Variants in PLCE1 observed in about 807,000 individuals in gnomAD.
The protein encoded by PLCE1 is phospholipase C epsilon 1.
Under a neutral mutation model 242.8 loss-of-function variants are expected in PLCE1, and 119 were observed. The observed-to-expected ratio is 0.49, with a 90% CI of 0.42 to 0.57. The LOEUF is 0.57. Ranked by LOEUF, PLCE1 falls within the 20% of genes least tolerant of loss-of-function variation. PLCE1 has a pLI of 0.00. For missense variants in PLCE1, 2,441 were observed against 2,788.8 expected (o/e 0.88, Z 2.81); for synonymous variants, 945 against 1,017.4 (o/e 0.93, Z 1.35).
chr10:94,309,970 G>T (rs2053335251), intron 27 of PLCE1, among the ~76,000 whole-genome samples: 1 of 152,170 alleles, frequency 6.6e-6, no homozygotes, highest in Non-Finnish European at 1.5e-5. Flanking sequence ...AGGCTACAGT[G>T]AGCTATGATC....
At chr10:94,206,081 C>G (rs1278070109) in intron 4 of PLCE1, among the ~76,000 whole-genome samples, 1 of 152,076 alleles carries the variant, frequency 6.6e-6, no homozygotes, top group Non-Finnish European at 1.5e-5. Context: ...AAAAATAAAG[C>G]AAGGCAGAGG....
At chr10:93,995,632 A>G (rs753051712) in intron 1 of PLCE1, among the ~76,000 whole-genome samples, 5 of 152,390 alleles carry the variant, frequency 3.3e-5, no homozygotes, top group Non-Finnish European at 7.3e-5. Context: ...AGGAGATAAT[A>G]TAATTGAAAG....
At chr10:94,053,396 G>A (rs1417602993) in intron 2 of PLCE1, among the ~76,000 whole-genome samples, 5 of 152,216 alleles carry the variant, frequency 3.3e-5, no homozygotes, top group Non-Finnish European at 7.3e-5. Flanking sequence ...CTTTAGTACA[G>A]GAATGTGCTC....
chr10:94,233,713 C>T (rs749192384), intron 5 of PLCE1, among the ~76,000 whole-genome samples: 4 of 151,996 alleles, frequency 2.6e-5, no homozygotes, highest in African/African-American at 4.8e-5. Context: ...TTTGAGAGGC[C>T]GAGGCAGGTG....
Position 94,270,479 on chromosome 10 carries a change from C to T in PLCE1, c.4390-7C>T. 6.3e-7 allele frequency: 1 copy of T among 1,593,338 alleles called. No individual in the cohort carries two copies. Among genetic ancestry groups the T allele is most frequent in the Non-Finnish European group, 8.6e-7 (1 of 1,161,334 alleles). On this transcript the variant is annotated splice_polypyrimidine_tract_variant and splice_region_variant and intron_variant, in intron 17 of 32. Transcript: ENST00000371380. ...TGGACTCTAATGAGCTGTTTTGGCTCTCATAGGAAGTGGTTGAAGCCATTG... is the reference window on the plus strand; with the variant it reads ...TGGACTCTAATGAGCTGTTTTGGCTTTCATAGGAAGTGGTTGAAGCCATTG...
intron 5 of PLCE1, among the ~76,000 whole-genome samples, chr10:94,228,393 T>C (rs758100902): frequency 1.3e-4 from 20 of 152,232 alleles, no homozygotes; most frequent in African/African-American, 1.9e-4. Flanking sequence ...CTTGACTTCA[T>C]TGAGCCTCAG....
At chr10:94,219,744 T>C (rs960438543) in intron 4 of PLCE1, among the ~76,000 whole-genome samples, 4 of 152,176 alleles carry the variant, frequency 2.6e-5, no homozygotes, top group Admixed American at 6.5e-5. Context: ...CATAGTACAA[T>C]TGGATTGTTA....
intron 2 of PLCE1, chr10:94,106,924 C>CTCTCTCTCTCTCTCTCTCTCTT (rs2045760680): frequency 8.2e-6 from 1 of 122,596 alleles, no homozygotes; most frequent in African/African-American, 3.0e-5. Context: ...CTCTCTCTCT[C>CTCTCTCTCTCTCTCTCTCTCTT]TCTCTCTCTC....
intron 5 of PLCE1, among the ~76,000 whole-genome samples, chr10:94,228,392 A>T (rs1369236522): frequency 6.6e-6 from 1 of 152,226 alleles, no homozygotes; most frequent in Non-Finnish European, 1.5e-5. Flanking sequence ...ACTTGACTTC[A>T]TTGAGCCTCA....
At chr10:94,141,212 T>C (rs1196583964) in intron 3 of PLCE1, among the ~76,000 whole-genome samples, 1 of 152,212 alleles carries the variant, frequency 6.6e-6, no homozygotes, top group African/African-American at 2.4e-5. Flanking sequence ...AGTGTGACAC[T>C]ACACCTGGGT....
chr10:94,003,195 CTG>C (rs2060965125), intron 1 of PLCE1, among the ~76,000 whole-genome samples: 1 of 152,112 alleles, frequency 6.6e-6, no homozygotes, highest in African/African-American at 2.4e-5. Context: ...AGATAATAGA[CTG>C]TTTTATTTTA....
At chr10:94,228,352 CA>C (rs1209249713) in intron 5 of PLCE1, among the ~76,000 whole-genome samples, 1 of 152,162 alleles carries the variant, frequency 6.6e-6, no homozygotes, top group African/African-American at 2.4e-5. Flanking sequence ...CTGATTCCCC[CA>C]AGGAATACCT....
intron 13 of PLCE1, 89 bp downstream of exon 13, chr10:94,259,239 C>G (rs2051209119): frequency 7.6e-7 from 1 of 1,317,448 alleles, no homozygotes; most frequent in East Asian, 2.3e-5. Flanking sequence ...CTGAGCCTGT[C>G]CCACATAGTG....
chr10:94,127,189 G>T (rs1477670339), intron 2 of PLCE1, among the ~76,000 whole-genome samples: 5 of 152,140 alleles, frequency 3.3e-5, no homozygotes, highest in African/African-American at 1.2e-4. Context: ...TGTAGCAAAG[G>T]ACTCCCAAAA....
chr10:94,116,907 C>G (rs578153996), intron 2 of PLCE1, among the ~76,000 whole-genome samples: 2 of 152,110 alleles, frequency 1.3e-5, no homozygotes, highest in African/African-American at 4.8e-5. Flanking sequence ...AAAGAAAAGA[C>G]AAAGAGTTTC....
chr10:94,282,833 G>T (rs2052290958), intron 20 of PLCE1, among the ~76,000 whole-genome samples: 1 of 152,114 alleles, frequency 6.6e-6, no homozygotes, highest in Non-Finnish European at 1.5e-5. Context: ...GGTCAGGAAG[G>T]TAAATGCCAT....
At position 94,322,031 on chromosome 10, in the gene PLCE1, T is replaced by A. The variant is rs1330358397; in HGVS notation, c.6473T>A (p.Val2158Asp). 6.2e-7 allele frequency: 1 copy of A among 1,614,198 alleles called. No homozygotes were observed. The highest frequency in any genetic ancestry group is 2.2e-5 in the East Asian group (1 of 44,880). ...QPRTVIKAPR[V>D]STAQDVIQQT... Reference sequence around the variant, plus strand: ...CGAACAGTCATCAAAGCACCCCGCGTCAGCACTGCACAGGATGTCATTCAG... The same window carrying A: ...CGAACAGTCATCAAAGCACCCCGCGACAGCACTGCACAGGATGTCATTCAG... Residue 2158 changes from valine to aspartate, a missense_variant, in exon 30 of 33, where the codon GTC becomes GAC. By Grantham distance (152) the Val-to-Asp change is radical. This residue lies in a region of PLCE1 where 310 missense variants were observed against 317.2 expected (regional missense o/e 0.98). Coordinates refer to ENST00000371380, the MANE Select transcript of PLCE1 (RefSeq NM_016341.4).
intron 2 of PLCE1, among the ~76,000 whole-genome samples, chr10:94,049,674 A>G (rs2043709233): frequency 6.6e-6 from 1 of 152,168 alleles, no homozygotes; most frequent in Admixed American, 6.5e-5. Context: ...TATAAGGTGT[A>G]CAGGTCAATG....
Position 94,075,985 on chromosome 10 carries a change from T to C in PLCE1, c.1206+43733T>C, listed in dbSNP as rs1333928335. On this transcript the variant is annotated intron_variant, in intron 2 of 32. Coordinates refer to ENST00000371380, the MANE Select transcript of PLCE1 (RefSeq NM_016341.4). ...GCCCTGTGAGGTGTTACCATTAGGA[T>C]GCCTACTTTACAGGAGAGGAAATGG... Among the ~76,000 whole-genome samples the C allele has an allele frequency of 2.6e-5, 4 of 152,208 alleles. No homozygotes were observed. In the East Asian group the frequency reaches 7.7e-4, roughly 29 times the overall value.
Sources: allele counts gnomAD v4.1 joint callset (sites outside exome capture counted in the v4.1 genomes callset), GRCh38; gene constraint gnomAD v4.1.1; regional missense constraint gnomAD v4.1.1; transcripts MANE v1.5; gene names NCBI Gene and HGNC (gene_info 2026-07-23, HGNC 2026-07-21).